Variants in NCS1 observed in about 807,000 individuals in gnomAD.
NCS1 encodes the protein neuronal calcium sensor 1, also known as frequenin homolog.
Under a neutral mutation model 28.4 loss-of-function variants are expected in NCS1, and 6 were observed. The observed-to-expected ratio is 0.21, with a 90% CI of 0.12 to 0.42. The LOEUF (loss-of-function observed/expected upper bound fraction) is 0.42, where lower values mean the gene tolerates loss of function less well. NCS1 is among the 10% of genes least tolerant of loss of function. The pLI, the probability that NCS1 is intolerant of heterozygous loss-of-function variation, is 1.00. For synonymous variants in NCS1, 86 were observed against 99.3 expected (o/e 0.87, Z 0.79); for missense variants, 131 against 241.4 (o/e 0.54, Z 3.03).
Position 130,234,849 on chromosome 9 carries a change from A to G in NCS1, c.*1877A>G, listed in dbSNP as rs1833557579. On this transcript the variant is annotated 3_prime_UTR_variant, in exon 8 of 8. Coordinates refer to ENST00000372398, the MANE Select transcript of NCS1 (RefSeq NM_014286.4). This position sits in a 1 kb window ranked among gnomAD's most constrained non-coding sequence, Gnocchi z 6.1. ...GGCTTGAGGTGAGAAGCCGCTTCCCAGACTGTCAGGGCCAGGCCTGGGTCT... is the reference window on the plus strand; with the variant it reads ...GGCTTGAGGTGAGAAGCCGCTTCCCGGACTGTCAGGGCCAGGCCTGGGTCT... 1 of 152,238 alleles carries G rather than the reference A, an allele frequency of 6.6e-6. No individual in the cohort carries two copies. The highest frequency in any genetic ancestry group is 1.5e-5 in the Non-Finnish European group (1 of 68,080). The allele number at this position is 152,238 out of a possible 1,614,324, so 9.4% of individuals were successfully genotyped here. A position where few individuals can be genotyped will look rare whatever the true frequency, so the allele number is the denominator to read the frequency against.
chr9:130,229,865 G>A (rs1554911880), intron 7 of NCS1, among the ~76,000 whole-genome samples: 12 of 152,148 alleles, frequency 7.9e-5, no homozygotes, highest in Non-Finnish European at 2.9e-5. Flanking sequence ...ATAATTCCTA[G>A]ATCACTTGCA....
chr9:130,172,989 A>G (rs112006933), intron 1 of NCS1, among the ~76,000 whole-genome samples: 41,008 of 151,606 alleles, frequency 0.27, 8,392 homozygotes, highest in East Asian at 0.56. Context: ...CCGGAGGGGC[A>G]GCCCCAGCCC....
At chr9:130,221,335 A>AAG (rs1554910272) in intron 4 of NCS1, among the ~76,000 whole-genome samples, 3 of 139,316 alleles carry the variant, frequency 2.2e-5, no homozygotes, top group Non-Finnish European at 4.6e-5. Context: ...TGTTATTTTT[A>AAG]ATATATATAT....
chr9:130,220,987 C>T (rs1297304695), intron 4 of NCS1, among the ~76,000 whole-genome samples: 1 of 151,974 alleles, frequency 6.6e-6, no homozygotes, highest in African/African-American at 2.4e-5. Context: ...CCACTGATAC[C>T]TCGGCCCTGG....
At chr9:130,214,762 C>T (rs1043074961) in intron 2 of NCS1, among the ~76,000 whole-genome samples, 1 of 152,152 alleles carries the variant, frequency 6.6e-6, no homozygotes, top group Non-Finnish European at 1.5e-5. Flanking sequence ...GAACATCAGG[C>T]TGGGCACCCT....
intron 1 of NCS1, among the ~76,000 whole-genome samples, chr9:130,179,348 A>AT (rs569645175): frequency 1.8e-4 from 27 of 151,980 alleles, no homozygotes; most frequent in African/African-American, 6.3e-4. Flanking sequence ...TTAGAGCATG[A>AT]TTTTTTTTCA....
At chr9:130,182,475 T>C (rs1347755737) in intron 1 of NCS1, among the ~76,000 whole-genome samples, 1 of 152,230 alleles carries the variant, frequency 6.6e-6, no homozygotes, top group Non-Finnish European at 1.5e-5. Flanking sequence ...TCCTTCCCGC[T>C]GGTTCCAGAG....
intron 1 of NCS1, among the ~76,000 whole-genome samples, chr9:130,199,649 G>A (rs1832916444): frequency 6.6e-6 from 1 of 152,226 alleles, no homozygotes; most frequent in South Asian, 2.1e-4. Flanking sequence ...GCTGTCATAA[G>A]AGCCGTTGAG....
intron 2 of NCS1, among the ~76,000 whole-genome samples, chr9:130,213,092 CG>C (rs541431739): frequency 1.3e-5 from 2 of 152,136 alleles, no homozygotes; most frequent in Non-Finnish European, 2.9e-5. Context: ...TGCGCTTACA[CG>C]GGGGCGGTGC....
At chr9:130,228,902 T>G (rs1833456358) in intron 7 of NCS1, among the ~76,000 whole-genome samples, 1 of 151,968 alleles carries the variant, frequency 6.6e-6, no homozygotes, top group South Asian at 2.1e-4. Context: ...ACTCCTGACC[T>G]CAGGTGATCC....
chr9:130,217,770 G>C, intron 2 of NCS1, 62 bp from the exon 3 acceptor site: 1 of 1,611,084 alleles, frequency 6.2e-7, no homozygotes. Context: ...AGGCGATGTT[G>C]GTGGTGGGTG....
Position 130,177,902 on chromosome 9 carries a change from C to G in NCS1, c.64+5175C>G, listed in dbSNP as rs1005158535. ...CTGGCCCCTTCCTTGGGCAAACCTC[C>G]TCTCACCGGCTTCACTTTCCGCCTC... On this transcript the variant is annotated intron_variant, in intron 1 of 7. Coordinates refer to ENST00000372398, the MANE Select transcript of NCS1 (RefSeq NM_014286.4). The surrounding 1 kb of genome is among the most constrained non-coding windows in gnomAD (Gnocchi z 4.4). Among the ~76,000 whole-genome samples, 2 of 152,240 alleles carry G rather than the reference C, an allele frequency of 1.3e-5. No homozygotes were observed. Among genetic ancestry groups the G allele is most frequent in the Non-Finnish European group, 2.9e-5 (2 of 68,034 alleles).
At chr9:130,178,566 G>A (rs573725747) in intron 1 of NCS1, among the ~76,000 whole-genome samples, 9 of 152,264 alleles carry the variant, frequency 5.9e-5, no homozygotes, top group East Asian at 3.9e-4. Context: ...CGAGTGGGCC[G>A]GGCCCATGTC....
At chr9:130,196,029 G>A (rs1385234361) in intron 1 of NCS1, among the ~76,000 whole-genome samples, 1 of 152,158 alleles carries the variant, frequency 6.6e-6, no homozygotes, top group African/African-American at 2.4e-5. Context: ...AATGGGCCGG[G>A]CTGGGAACCA....
intron 1 of NCS1, among the ~76,000 whole-genome samples, chr9:130,176,138 T>TTTATTTTCTTTCTTTCTTTCTTTC (rs1832560836): frequency 9.8e-6 from 1 of 102,218 alleles, no homozygotes; most frequent in Non-Finnish European, 1.9e-5. Context: ...TATTTGTTCA[T>TTTATTTTCTTTCTTTCTTTCTTTC]TTTCTTTCTT....
Position 130,198,828 on chromosome 9 carries a change from G to A in NCS1, c.65-2130G>A, listed in dbSNP as rs1011180189. Among the ~76,000 whole-genome samples, 4 of 152,118 alleles carry A rather than the reference G, an allele frequency of 2.6e-5. No individual in the cohort carries two copies. The East Asian group carries it at 7.7e-4, about 29-fold the overall frequency. On this transcript the variant is annotated intron_variant, in intron 1 of 7. Transcript: ENST00000372398. ...CACCTGTGGCCCTGAGCTCCTGGCG[G>A]TACTGTGATGGGTCGCCTGTGTCTC... is the stretch of plus-strand genomic sequence containing the variant.
intron 1 of NCS1, among the ~76,000 whole-genome samples, chr9:130,174,790 C>CAAAAAAA (rs34473694): frequency 0.01 from 949 of 91,408 alleles, 20 homozygotes; most frequent in Non-Finnish European, 0.013. Context: ...ACTCTGTCTC[C>CAAAAAAA]AAAAAAAAAA....
intron 7 of NCS1, among the ~76,000 whole-genome samples, chr9:130,230,575 G>A (rs1046830661): frequency 1.3e-5 from 2 of 152,082 alleles, no homozygotes; most frequent in Non-Finnish European, 2.9e-5. Context: ...CAGGTGTGGT[G>A]GCACATGCCT....
At chr9:130,230,968 C>T (rs115219205) in intron 7 of NCS1, among the ~76,000 whole-genome samples, 86 of 152,160 alleles carry the variant, frequency 5.7e-4, no homozygotes, top group African/African-American at 2.0e-3. Flanking sequence ...TTCTAGTTTC[C>T]TGTTATCTTA....
Sources: allele counts gnomAD v4.1 joint callset (sites outside exome capture counted in the v4.1 genomes callset), GRCh38; gene constraint gnomAD v4.1.1; non-coding constraint Gnocchi (gnomAD v3.1); transcripts MANE v1.5; gene names NCBI Gene and HGNC (gene_info 2026-07-23, HGNC 2026-07-21).